WDPCP: variants seen among roughly 807,000 people sequenced by gnomAD.
WDPCP encodes the protein WD repeat containing planar cell polarity effector.
WDPCP carries 71 observed loss-of-function variants against 93.1 expected under a neutral mutation model. The observed-to-expected ratio is 0.76, with a 90% CI of 0.63 to 0.93. The LOEUF (loss-of-function observed/expected upper bound fraction) is 0.93. Among genes scored for constraint, WDPCP ranks in the 40% least tolerant of loss-of-function variants. WDPCP has a pLI of 0.00. For synonymous variants in WDPCP, 315 were observed against 315.0 expected (o/e 1.00, Z 0.00); for missense variants, 844 against 887.4 (o/e 0.95, Z 0.62).
intron 1 of WDPCP, among the ~76,000 whole-genome samples, chr2:63,546,926 G>A (rs765037764): frequency 2.0e-5 from 3 of 151,604 alleles, no homozygotes; most frequent in Non-Finnish European, 4.4e-5. Context: ...TTAAAAAAAA[G>A]ACAAAAGATT....
chr2:63,534,238 AC>A (rs1195868828), intron 1 of WDPCP, among the ~76,000 whole-genome samples: 1 of 152,016 alleles, frequency 6.6e-6, no homozygotes, highest in African/African-American at 2.4e-5. Context: ...CAACTAAAAA[AC>A]TCCAGGACCA....
chr2:63,152,232 C>T (rs775113280), intron 17 of WDPCP, among the ~76,000 whole-genome samples: 131 of 151,670 alleles, frequency 8.6e-4, no homozygotes, highest in Non-Finnish European at 2.8e-4. Context: ...TGCTGTATTA[C>T]CCGCTACCCA....
At chr2:63,622,475 G>C (rs913307190) in intron 3 of WDPCP, 9 of 1,613,934 alleles carry the variant, frequency 5.6e-6, no homozygotes, top group Admixed American at 1.7e-5. Context: ...AGCCGCTGTT[G>C]TCAGAGTTCA....
intron 14 of WDPCP, among the ~76,000 whole-genome samples, chr2:63,198,113 A>G (rs1043804984): frequency 1.3e-5 from 2 of 152,154 alleles, no homozygotes; most frequent in African/African-American, 4.8e-5. Context: ...TCCTTCTGGA[A>G]TTTATTATGG....
At chr2:63,303,277 C>T (rs916063620) in intron 13 of WDPCP, among the ~76,000 whole-genome samples, 1 of 152,082 alleles carries the variant, frequency 6.6e-6, no homozygotes, top group Non-Finnish European at 1.5e-5. Flanking sequence ...CATCTAGGGG[C>T]CTAAGGAGTT....
chr2:63,502,068 T>C (rs776981910), intron 1 of WDPCP, among the ~76,000 whole-genome samples: 1 of 152,224 alleles, frequency 6.6e-6, no homozygotes, highest in African/African-American at 2.4e-5. Flanking sequence ...CATTGCACAG[T>C]GTGGCATGCG....
intron 14 of WDPCP, among the ~76,000 whole-genome samples, chr2:63,218,670 A>C (rs1209946770): frequency 1.2e-4 from 18 of 149,874 alleles, no homozygotes; most frequent in African/African-American, 3.3e-4. Flanking sequence ...GCTGGGACTA[A>C]AGGCGTGCGA....
At chr2:63,175,154 T>C (rs1022011839) in intron 14 of WDPCP, among the ~76,000 whole-genome samples, 1 of 152,192 alleles carries the variant, frequency 6.6e-6, no homozygotes, top group Non-Finnish European at 1.5e-5. Context: ...TATTTTATCT[T>C]GGAATATTGC....
At chr2:63,308,692 G>A (rs1247677815) in intron 13 of WDPCP, among the ~76,000 whole-genome samples, 6 of 152,054 alleles carry the variant, frequency 3.9e-5, no homozygotes. Flanking sequence ...GAGCTGAAGA[G>A]TGAGAACACA....
chr2:63,469,027 G>C (rs1699530506), intron 6 of WDPCP, among the ~76,000 whole-genome samples: 1 of 151,644 alleles, frequency 6.6e-6, no homozygotes, highest in Non-Finnish European at 1.5e-5. Context: ...TTAAAAAGTG[G>C]GCAAAGGACA....
intron 13 of WDPCP, among the ~76,000 whole-genome samples, chr2:63,301,496 C>A (rs957043857): frequency 6.6e-6 from 1 of 152,146 alleles, no homozygotes; most frequent in Non-Finnish European, 1.5e-5. Context: ...CCTTCTTCAA[C>A]TATTATGTAG....
intron 2 of WDPCP, among the ~76,000 whole-genome samples, chr2:63,803,817 G>C (rs1184579896): frequency 6.6e-6 from 1 of 152,126 alleles, no homozygotes; most frequent in Non-Finnish European, 1.5e-5. Flanking sequence ...TTTCAGATAT[G>C]TTTTGGGAAT....
intron 6 of WDPCP, among the ~76,000 whole-genome samples, chr2:63,448,297 A>T (rs1697997258): frequency 6.6e-6 from 1 of 152,188 alleles, no homozygotes; most frequent in African/African-American, 2.4e-5. Flanking sequence ...TAAATGAAAA[A>T]AGACCATTTC....
chr2:63,253,517 G>C (rs1351133428), intron 14 of WDPCP, among the ~76,000 whole-genome samples: 1 of 151,910 alleles, frequency 6.6e-6, no homozygotes, highest in African/African-American at 2.4e-5. Context: ...CTAATAAGCA[G>C]AATCTATGAA....
At chr2:63,811,293 G>T (rs1460239116) in intron 2 of WDPCP, among the ~76,000 whole-genome samples, 2 of 152,206 alleles carry the variant, frequency 1.3e-5, no homozygotes, top group Non-Finnish European at 2.9e-5. Context: ...TACGGCAAAG[G>T]TGATGGGATG....
intron 2 of WDPCP, chr2:63,684,401 C>A: frequency 1.2e-6 from 1 of 811,784 alleles, no homozygotes; most frequent in Admixed American, 1.9e-5. Context: ...TTGATGATGG[C>A]ACCTCAGATC....
At chr2:63,236,700 A>C (rs1010150894) in intron 14 of WDPCP, among the ~76,000 whole-genome samples, 2 of 152,142 alleles carry the variant, frequency 1.3e-5, no homozygotes, top group Non-Finnish European at 2.9e-5. Context: ...ACTGATCTTC[A>C]AAAAGCCAAC....
chr2:63,258,420 T>C (rs1681326754), intron 14 of WDPCP, among the ~76,000 whole-genome samples: 3 of 152,136 alleles, frequency 2.0e-5, no homozygotes. Flanking sequence ...GAAGATTAGA[T>C]CTATGTGGTG....
At position 63,327,450 on chromosome 2, in the gene WDPCP, C is replaced by T. The variant is rs578232439; in HGVS notation, c.1749-14139G>A. ...TACCACACACTCTCAAAGGATTTCT[C>T]AGACAGTTTGCAAGAAATAACTAAA... On this transcript the variant is annotated intron_variant, in intron 12 of 17. Transcript: ENST00000272321. Among the ~76,000 whole-genome samples the T allele has an allele frequency of 6.6e-5, 10 of 152,336 alleles. No homozygotes were observed. In the South Asian group the frequency reaches 2.1e-3, roughly 32 times the overall value.
Sources: gnomAD v4.1 joint callset for allele counts (sites outside exome capture counted in the v4.1 genomes callset) on GRCh38, gnomAD v4.1.1 for gene constraint, MANE v1.5 for transcripts, NCBI Gene and HGNC (gene_info 2026-07-23, HGNC 2026-07-21) for gene names.